Variants in USH2A observed in about 807,000 individuals in gnomAD.
USH2A encodes the protein Usher syndrome 2A (autosomal recessive, mild).
In USH2A, 443 loss-of-function variants were observed where a neutral mutation model predicts 538.9. The ratio of observed to expected loss-of-function variants is 0.82; its 90% CI spans 0.76 to 0.89. The LOEUF (loss-of-function observed/expected upper bound fraction) is 0.89. USH2A is among the 40% of genes least tolerant of loss of function. The probability of loss-of-function intolerance (pLI) is 0.00; values close to 1 mark genes in which losing one functional copy is unlikely to be tolerated. For synonymous variants in USH2A, 2,413 were observed against 2,273.5 expected, an observed-to-expected ratio of 1.06 and a Z score of -1.75; for missense variants, 6,633 against 6,324.8, an observed-to-expected ratio of 1.05 and a Z score of -1.65.
chr1:215,627,603 G>A (rs1484564590), intron 71 of USH2A, among the ~76,000 whole-genome samples: 2 of 151,386 alleles, frequency 1.3e-5, no homozygotes, highest in African/African-American at 4.9e-5. Context: ...TCAGCTCACT[G>A]CAACTTCCAC....
chr1:216,070,649 C>T (rs1303220905), intron 29 of USH2A, among the ~76,000 whole-genome samples: 7 of 151,828 alleles, frequency 4.6e-5, no homozygotes, highest in African/African-American at 1.7e-4. Flanking sequence ...CCCTTTGAAG[C>T]AAGATAATTA....
At chr1:216,036,122 G>A (rs1288474941) in intron 32 of USH2A, among the ~76,000 whole-genome samples, 1 of 152,098 alleles carries the variant, frequency 6.6e-6, no homozygotes, top group Non-Finnish European at 1.5e-5. Context: ...TGGCTAGAAG[G>A]AAATTAGTAA....
chr1:216,253,326 G>A (rs1477426745), intron 11 of USH2A, among the ~76,000 whole-genome samples: 2 of 151,784 alleles, frequency 1.3e-5, no homozygotes, highest in Admixed American at 6.6e-5. Flanking sequence ...CACCAGGCAC[G>A]GCTAATTTTT....
At chr1:215,694,231 T>C (rs1209762196) in intron 61 of USH2A, among the ~76,000 whole-genome samples, 2 of 152,118 alleles carry the variant, frequency 1.3e-5, no homozygotes, top group Non-Finnish European at 2.9e-5. Context: ...AACTCATACC[T>C]ACACACTCTT....
At chr1:215,973,841 T>G (rs1177815424) in intron 35 of USH2A, among the ~76,000 whole-genome samples, 1 of 151,988 alleles carries the variant, frequency 6.6e-6, no homozygotes, top group East Asian at 1.9e-4. Context: ...AAGTGATATT[T>G]GTGACAGTTA....
At chr1:216,143,332 G>A (rs1339614990) in intron 21 of USH2A, among the ~76,000 whole-genome samples, 1 of 152,004 alleles carries the variant, frequency 6.6e-6, no homozygotes, top group Non-Finnish European at 1.5e-5. Context: ...ATAAATTAAA[G>A]CTCCTAAGGA....
At chr1:215,872,688 T>C (rs1281449794) in intron 43 of USH2A, among the ~76,000 whole-genome samples, 1 of 152,122 alleles carries the variant, frequency 6.6e-6, no homozygotes, top group Non-Finnish European at 1.5e-5. Flanking sequence ...AAATCTTATG[T>C]TGAAATGTGA....
chr1:215,860,773 T>G (rs1664294421), intron 44 of USH2A, among the ~76,000 whole-genome samples: 1 of 152,232 alleles, frequency 6.6e-6, no homozygotes, highest in African/African-American at 2.4e-5. Context: ...ATTAGATCTC[T>G]TAATTTATTT....
chr1:216,251,512 T>C (rs901992304), intron 11 of USH2A, among the ~76,000 whole-genome samples: 1 of 126,836 alleles, frequency 7.9e-6, no homozygotes, highest in Non-Finnish European at 1.6e-5. Flanking sequence ...GTGCAGTGGC[T>C]CAATCTCGGC....
chr1:215,760,835 T>C (rs1195855062), intron 56 of USH2A, among the ~76,000 whole-genome samples: 1 of 152,232 alleles, frequency 6.6e-6, no homozygotes, highest in Non-Finnish European at 1.5e-5. Context: ...CATAAACTCC[T>C]GTCATAGCTT....
At chr1:216,285,579 G>T (rs1424982264) in intron 11 of USH2A, among the ~76,000 whole-genome samples, 1 of 152,246 alleles carries the variant, frequency 6.6e-6, no homozygotes, top group Non-Finnish European at 1.5e-5. Context: ...CTGGGGTACT[G>T]CCTGGTGAAT....
At chr1:216,383,736 G>A (rs781618726) in intron 3 of USH2A, among the ~76,000 whole-genome samples, 31 of 152,152 alleles carry the variant, frequency 2.0e-4, no homozygotes, top group Non-Finnish European at 3.5e-4. Flanking sequence ...GGAGTGCAGT[G>A]GCACGACCAT....
intron 20 of USH2A, among the ~76,000 whole-genome samples, chr1:216,186,771 A>G (rs2034613947): frequency 6.6e-6 from 1 of 151,718 alleles, no homozygotes; most frequent in Admixed American, 6.6e-5. Flanking sequence ...TTCTTTGTTC[A>G]TCTTTCCCCT....
chr1:215,818,986 A>G (rs1043349395), intron 47 of USH2A, among the ~76,000 whole-genome samples: 7 of 151,738 alleles, frequency 4.6e-5, no homozygotes, highest in African/African-American at 1.7e-4. Context: ...TTTTGTTCTC[A>G]TTGTTTTTAA....
At chr1:215,719,330 C>A in intron 61 of USH2A, among the ~76,000 whole-genome samples, 1 of 129,858 alleles carries the variant, frequency 7.7e-6, no homozygotes. Flanking sequence ...GGCAGGGGGG[C>A]CAGGGATAAG....
intron 71 of USH2A, 52 bp downstream of exon 71, chr1:215,628,762 A>G (rs1280082864): frequency 2.3e-5 from 36 of 1,594,844 alleles, no homozygotes; most frequent in Admixed American, 2.2e-4. Context: ...CTCTGTACCA[A>G]TATTTTTTCT....
chr1:216,393,937 C>T (rs550160038), intron 3 of USH2A, among the ~76,000 whole-genome samples: 1 of 152,090 alleles, frequency 6.6e-6, no homozygotes, highest in East Asian at 1.9e-4. Context: ...CATAAAGAGC[C>T]ATAGAAATTT....
At chr1:216,195,694 G>A (rs949178163) in intron 19 of USH2A, 1 of 159,156 alleles carries the variant, frequency 6.3e-6, no homozygotes, top group Non-Finnish European at 1.5e-5. Flanking sequence ...TAGATCTATG[G>A]GAGTAGGTAT....
intron 61 of USH2A, among the ~76,000 whole-genome samples, chr1:215,697,006 G>A (rs1658833819): frequency 6.6e-6 from 1 of 152,064 alleles, no homozygotes; most frequent in African/African-American, 2.4e-5. Flanking sequence ...AGGCTGGGGT[G>A]CAGTGGCATG....
Sources: gnomAD v4.1 joint callset for allele counts (sites outside exome capture counted in the v4.1 genomes callset) on GRCh38, gnomAD v4.1.1 for gene constraint, MANE v1.5 for transcripts, NCBI Gene and HGNC (gene_info 2026-07-23, HGNC 2026-07-21) for gene names.